Variants in SLC41A3 observed in about 807,000 individuals in gnomAD.
The protein encoded by SLC41A3 is solute carrier family 41 member 3, also known as SLC41A1-like 2.
In SLC41A3, 44 loss-of-function variants were observed where a neutral mutation model predicts 45.4. That is an observed-to-expected ratio of 0.97 (90% CI 0.76 to 1.25). The LOEUF (loss-of-function observed/expected upper bound fraction) is 1.25, where lower values mean the gene tolerates loss of function less well. Ranked by LOEUF, SLC41A3 falls within the 50% of genes most tolerant of loss-of-function variation. The pLI, the probability that SLC41A3 is intolerant of heterozygous loss-of-function variation, is 0.00. For synonymous variants in SLC41A3, 256 were observed against 252.4 expected, an observed-to-expected ratio of 1.01 and a Z score of -0.13; for missense variants, 550 against 600.6, an observed-to-expected ratio of 0.92 and a Z score of 0.88.
chr3:126,025,273 G>T (rs978814349), intron 5 of SLC41A3: 3 of 152,148 alleles, frequency 2.0e-5, no homozygotes, highest in African/African-American at 7.2e-5. Flanking sequence ...CAAGGAAGGG[G>T]TATGTCTGCC....
Position 126,012,573 on chromosome 3 carries a change from A to G in SLC41A3, c.1105+42T>C, listed in dbSNP as rs760635022. ...CAATGACACCGATGTTTTCTTGTTT[A>G]AAGAAATGGCTATCATGGCCTCTGA... On this transcript the variant is annotated intron_variant, in intron 9 of 10. Transcript: ENST00000360370. 11 of 1,608,280 alleles carry G rather than the reference A, an allele frequency of 6.8e-6. No individual in the cohort carries two copies. In the East Asian group the frequency reaches 2.5e-4, roughly 36 times the overall value.
upstream of SLC41A3, chr3:126,085,221 A>G (rs991745108): frequency 3.3e-5 from 5 of 152,328 alleles, no homozygotes; most frequent in South Asian, 2.1e-4. Flanking sequence ...TTGAAGTCTC[A>G]TGCCTCCTCA....
At chr3:126,099,450 G>A (rs751868480) in intron 1 of SLC41A3, among the ~76,000 whole-genome samples, 5 of 152,144 alleles carry the variant, frequency 3.3e-5, no homozygotes, top group Non-Finnish European at 7.4e-5. Flanking sequence ...GGTGACTCAC[G>A]CCCATAATCC....
At chr3:126,050,736 C>T (rs1334635695) in intron 3 of SLC41A3, among the ~76,000 whole-genome samples, 1 of 152,158 alleles carries the variant, frequency 6.6e-6, no homozygotes, top group African/African-American at 2.4e-5. Flanking sequence ...GGGTTGTGCA[C>T]ATCCCTCAGT....
intron 10 of SLC41A3, 42 bp downstream of exon 10, chr3:126,008,690 A>T (rs1321669586): frequency 6.2e-7 from 1 of 1,600,038 alleles, no homozygotes. Flanking sequence ...CTGCTGGCTG[A>T]CTACACAGCT....
chr3:126,014,074 T>C (rs1273959172), intron 8 of SLC41A3, among the ~76,000 whole-genome samples: 2 of 152,060 alleles, frequency 1.3e-5, no homozygotes, highest in East Asian at 1.9e-4. Flanking sequence ...GGCGGGCTGA[T>C]GGAAGGTGGG....
chr3:126,047,691 T>C (rs1332966336), intron 3 of SLC41A3, among the ~76,000 whole-genome samples: 1 of 152,182 alleles, frequency 6.6e-6, no homozygotes, highest in Non-Finnish European at 1.5e-5. Flanking sequence ...AATATCCACA[T>C]GCAAAAGAAT....
At position 126,012,699 on chromosome 3, in the gene SLC41A3, G is replaced by A. The variant is rs1233724424; in HGVS notation, c.1021C>T (p.Leu341=). The change falls in exon 9 of 11, where the codon CTG becomes TTG. Residue 341 remains leucine (L), a synonymous_variant. Transcript: ENST00000360370. ...ACGCCAGGTGCACTCCACATGTGCA[G>A]GTAGGTTGAGATTCGGCTGGTCTGA... ...AIQTSRISTY[L]HMWSAPGVLP... The A allele has an allele frequency of 1.2e-6, 2 of 1,614,228 alleles. No homozygotes were observed. The highest frequency in any genetic ancestry group is 3.3e-5 in the Admixed American group (2 of 60,028).
chr3:126,067,654 T>C (rs1272641971), intron 2 of SLC41A3: 1 of 513,414 alleles, frequency 1.9e-6, no homozygotes. Context: ...GCAGCAGTAG[T>C]TGACTGACAC....
rs142638855 is a variant in SLC41A3, at chr3:126,026,303, G to A, written c.598+32C>T. 71 of 1,552,338 alleles carry A rather than the reference G, an allele frequency of 4.6e-5. No homozygotes were observed. Among genetic ancestry groups the A allele is most frequent in the Middle Eastern group, 1.7e-4 (1 of 5,980 alleles). On this transcript the variant is annotated intron_variant, in intron 5 of 10. Coordinates refer to ENST00000360370, the MANE Select transcript of SLC41A3 (RefSeq NM_017836.4). This position sits in a 1 kb window ranked among gnomAD's most constrained non-coding sequence, Gnocchi z 4.2. ...GTGGGACCTCAGAGGAGCAGGGAGC[G>A]GGTGGGGGCTCACAGCTGGGGCATG...
chr3:126,101,101 G>A lies in SLC41A3; in HGVS notation c.-79+328C>T, dbSNP rs369289712. Among the ~76,000 whole-genome samples, 87 of 152,270 alleles carry A rather than the reference G, an allele frequency of 5.7e-4. 2 individuals carry two copies. In the South Asian group the frequency reaches 0.017, roughly 30 times the overall value. ...GCAGCCGCACACCCCTCCTTCCCCC[G>A]GGTCCAAGTGCTGCCCACATCCGCG... On this transcript the variant is annotated intron_variant, in intron 1 of 9. Transcript: ENST00000508835.
At chr3:126,055,688 A>C (rs1466834912) in intron 2 of SLC41A3, among the ~76,000 whole-genome samples, 1 of 152,150 alleles carries the variant, frequency 6.6e-6, no homozygotes, top group East Asian at 1.9e-4. Context: ...GAAATGTTTC[A>C]GTTGACAGAT....
intron 9 of SLC41A3, among the ~76,000 whole-genome samples, chr3:126,012,288 C>T (rs12491577): frequency 0.17 from 26,485 of 152,166 alleles, 2,437 homozygotes; most frequent in Middle Eastern, 0.26. Context: ...TTTTGCTGCT[C>T]GGTACCCAAC....
At chr3:126,054,684 T>C (rs967713258) in intron 2 of SLC41A3, among the ~76,000 whole-genome samples, 1 of 151,950 alleles carries the variant, frequency 6.6e-6, no homozygotes, top group Non-Finnish European at 1.5e-5. Context: ...AATCAAATTG[T>C]CCTGCTCCTC....
chr3:126,016,232 C>T (rs1037228318), intron 7 of SLC41A3, among the ~76,000 whole-genome samples: 3 of 152,238 alleles, frequency 2.0e-5, no homozygotes, highest in Non-Finnish European at 2.9e-5. Context: ...GACCTGGGCT[C>T]AGCTGAAGGT....
At chr3:126,058,317 T>G (rs1943804543) in intron 2 of SLC41A3, 1 of 152,288 alleles carries the variant, frequency 6.6e-6, no homozygotes, top group Non-Finnish European at 1.5e-5. Flanking sequence ...CTATTTCAGA[T>G]GTAGCAACTC....
chr3:126,040,658 G>T (rs1210335460), intron 3 of SLC41A3, among the ~76,000 whole-genome samples: 2 of 152,052 alleles, frequency 1.3e-5, no homozygotes, highest in Admixed American at 1.3e-4. Flanking sequence ...GGTCAGAGAG[G>T]CAGGGCAGTG....
intron 1 of SLC41A3, among the ~76,000 whole-genome samples, chr3:126,090,028 C>CTTTTTTTTTT (rs59737864): frequency 1.8e-4 from 18 of 99,334 alleles, no homozygotes; most frequent in East Asian, 3.3e-4. Flanking sequence ...TCAAGAAAAT[C>CTTTTTTTTTT]TTTTTTTTTT....
intron 1 of SLC41A3, among the ~76,000 whole-genome samples, chr3:126,078,795 C>T (rs1053847711): frequency 3.3e-5 from 5 of 152,182 alleles, no homozygotes; most frequent in Non-Finnish European, 7.3e-5. Flanking sequence ...GAACCCCTCT[C>T]TCCTGCCTCC....
Sources: gnomAD v4.1 joint callset for allele counts (sites outside exome capture counted in the v4.1 genomes callset) on GRCh38, gnomAD v4.1.1 for gene constraint, Gnocchi (gnomAD v3.1) non-coding constraint, MANE v1.5 for transcripts, NCBI Gene and HGNC (gene_info 2026-07-23, HGNC 2026-07-21) for gene names.